PCDHA5: variants seen among roughly 807,000 people sequenced by gnomAD.
PCDHA5 encodes protocadherin alpha-5.
PCDHA5 carries 43 observed loss-of-function variants against 61.6 expected under a neutral mutation model. That is an observed-to-expected ratio of 0.70 (90% CI 0.55 to 0.90). PCDHA5 has a LOEUF of 0.90. Among genes scored for constraint, PCDHA5 ranks in the 40% least tolerant of loss-of-function variants. The pLI, the probability that PCDHA5 is intolerant of heterozygous loss-of-function variation, is 0.00. For missense variants in PCDHA5, 1,298 were observed against 1,222.7 expected, an observed-to-expected ratio of 1.06 and a Z score of -0.92; for synonymous variants, 627 against 543.9, an observed-to-expected ratio of 1.15 and a Z score of -2.13.
intron 1 of PCDHA5, among the ~76,000 whole-genome samples, chr5:140,924,575 T>C (rs1255232429): frequency 6.6e-6 from 1 of 152,078 alleles, no homozygotes; most frequent in East Asian, 1.9e-4. Flanking sequence ...TTTTTAAATG[T>C]TTTCAAATAT....
chr5:140,846,983 T>TC (rs1245867749), intron 1 of PCDHA5, among the ~76,000 whole-genome samples: 3 of 148,244 alleles, frequency 2.0e-5, no homozygotes, highest in African/African-American at 7.4e-5. Context: ...ATAAGTAAGT[T>TC]CCCCCCGGGA....
chr5:141,009,132 G>GA (rs1172401436), intron 3 of PCDHA5, among the ~76,000 whole-genome samples: 11 of 152,202 alleles, frequency 7.2e-5, no homozygotes, highest in African/African-American at 2.4e-4. Flanking sequence ...GTATCCTGGT[G>GA]AAAAAACCTG....
rs140697336 is a variant in PCDHA5 at position 140,835,530 on chromosome 5, G to C, written c.2352+11403G>C. On this transcript the variant is annotated intron_variant, in intron 1 of 3. Transcript: ENST00000529859. ...GTTTGACCGAGATTTTGGAGTCAAC[G>C]GACAGGTTACCTGCTCCCTGACGCC... 1.3e-4 allele frequency: 204 copies of C among 1,613,820 alleles called. 2 individuals carry two copies. The highest frequency in any genetic ancestry group is 2.2e-4 in the Admixed American group (13 of 59,990).
chr5:140,856,825 A>C lies in PCDHA5; in HGVS notation c.2352+32698A>C, dbSNP rs782049467. On this transcript the variant is annotated intron_variant, in intron 1 of 3. Coordinates refer to ENST00000529859, the MANE Select transcript of PCDHA5 (RefSeq NM_018908.3). Reference sequence around the variant, plus strand: ...ATGAAAATCAAGTGAACCAAACATTAGTAATACGGCTCAACGCTTCTGATT... The same window carrying C: ...ATGAAAATCAAGTGAACCAAACATTCGTAATACGGCTCAACGCTTCTGATT... 1 of 1,592,052 alleles carries C rather than the reference A, an allele frequency of 6.3e-7. No individual in the cohort carries two copies. The highest frequency in any genetic ancestry group is 1.7e-5 in the Admixed American group (1 of 59,160).
intron 1 of PCDHA5, chr5:140,927,498 G>A (rs782816586): frequency 3.1e-6 from 5 of 1,614,138 alleles, no homozygotes; most frequent in Middle Eastern, 1.6e-4. Context: ...ACCTGCTGGT[G>A]CTTACAGCTC....
chr5:140,894,675 A>G lies in PCDHA5; in HGVS notation c.2352+70548A>G, dbSNP rs78197412. Reference sequence around the variant, plus strand: ...CTAATTCTGATTTGTGTATTCTTGCATAGCTTTTCATTATTTTCTAAAAAT... The same window carrying G: ...CTAATTCTGATTTGTGTATTCTTGCGTAGCTTTTCATTATTTTCTAAAAAT... On this transcript the variant is annotated intron_variant, in intron 1 of 3. Coordinates refer to ENST00000529859, the MANE Select transcript of PCDHA5 (RefSeq NM_018908.3). 4.6e-3 allele frequency among the ~76,000 whole-genome samples: 702 copies of G among 151,998 alleles called. 3 individuals carry two copies. The highest frequency in any genetic ancestry group is 0.016 in the African/African-American group (679 of 41,480).
chr5:140,933,677 T>A (rs1024721491), intron 1 of PCDHA5, among the ~76,000 whole-genome samples: 8 of 151,826 alleles, frequency 5.3e-5, no homozygotes, highest in African/African-American at 1.9e-4. Context: ...CTCTCTCACA[T>A]TTTTTTTCCT....
chr5:140,825,211 T>C (rs2150138594), intron 1 of PCDHA5: 1 of 151,768 alleles, frequency 6.6e-6, no homozygotes, highest in Non-Finnish European at 1.5e-5. Flanking sequence ...ATTACTGAAG[T>C]AGATTTGTTT....
At position 140,824,011 on chromosome 5, in the gene PCDHA5, AGCTGGTCGTACTC is replaced by A. The variant is rs1227166716; in HGVS notation, c.2239_2251del (p.Trp747SerfsTer48). 1.2e-6 allele frequency: 2 copies of A among 1,613,900 alleles called. No homozygotes were observed. The highest frequency in any genetic ancestry group is 1.7e-6 in the Non-Finnish European group (2 of 1,179,952). On this transcript the variant is annotated frameshift_variant, in exon 1 of 4. Transcript: ENST00000529859. LOFTEE classifies it high-confidence loss of function. The stretch of plus-strand genomic sequence containing the variant: ...TCTGTTGTGCTCCAGCGCGGTGGGG[AGCTGGTCGTACTC>A]GCAGCAGAGGAGACAGAGGGTGTGC...
intron 1 of PCDHA5, 133 bp downstream of exon 1, chr5:140,824,260 A>G (rs2150133721): frequency 2.3e-6 from 3 of 1,322,828 alleles, no homozygotes; most frequent in South Asian, 2.6e-5. Context: ...TTATTGCACT[A>G]ATTCATGTAT....
rs140013560 is a variant in PCDHA5 at position 140,850,963 on chromosome 5, C to A, written c.2352+26836C>A. On this transcript the variant is annotated intron_variant, in intron 1 of 3. Coordinates refer to ENST00000529859, the MANE Select transcript of PCDHA5 (RefSeq NM_018908.3). The stretch of plus-strand genomic sequence containing the variant: ...AGATATTATCGATTACTCCCAGGGG[C>A]CGTTCAAATAGTTTTATTCATTTTT... The A allele has an allele frequency of 5.0e-4, 731 of 1,472,590 alleles. 40 individuals carry two copies. The African/African-American group carries it at 9.3e-3, about 19-fold the overall frequency. The allele number at this position is 1,472,590 out of a possible 1,614,324, so 91.2% of individuals were successfully genotyped here.
intron 1 of PCDHA5, chr5:140,883,158 C>A: frequency 2.5e-6 from 4 of 1,613,710 alleles, no homozygotes; most frequent in Non-Finnish European, 3.4e-6. Flanking sequence ...ACCATAAATC[C>A]GAACAATGGA....
At position 140,823,513 on chromosome 5, in the gene PCDHA5, G is replaced by C; in HGVS notation, c.1738G>C (p.Val580Leu). ...CACCGGCGGCGCAGTGAGCGAGCTG[G>C]TGCCGAGGTCAGTGGGTGCGGGCCA... ...GGTGGAVSEL[V>L]PRSVGAGHVV... The change falls in exon 1 of 4, where the codon GTG becomes CTG. Residue 580 changes from valine (V) to leucine (L), a missense_variant. Coordinates refer to ENST00000529859, the MANE Select transcript of PCDHA5 (RefSeq NM_018908.3). 1.2e-6 allele frequency: 2 copies of C among 1,613,474 alleles called. No individual in the cohort carries two copies. The highest frequency in any genetic ancestry group is 1.7e-6 in the Non-Finnish European group (2 of 1,179,716).
rs2150496669 is a variant in PCDHA5 at position 140,850,740 on chromosome 5, T to A, written c.2352+26613T>A. 3.1e-6 allele frequency: 5 copies of A among 1,597,562 alleles called. 1 individual carries two copies. The highest frequency in any genetic ancestry group is 3.4e-6 in the Non-Finnish European group (4 of 1,167,476). On this transcript the variant is annotated intron_variant, in intron 1 of 3. Coordinates refer to ENST00000529859, the MANE Select transcript of PCDHA5 (RefSeq NM_018908.3). Reference sequence around the variant, plus strand: ...GTGTTCTAGCGCGGTGGGGAGTTGGTCGTACTCGCAGCAGAGGAGGCAGAG... The same window carrying A: ...GTGTTCTAGCGCGGTGGGGAGTTGGACGTACTCGCAGCAGAGGAGGCAGAG...
At chr5:140,883,662 A>G (rs371713279) in intron 1 of PCDHA5, 3 of 1,613,586 alleles carry the variant, frequency 1.9e-6, no homozygotes, top group Non-Finnish European at 2.5e-6. Context: ...GTGTTCGTGA[A>G]GGAAAACAAT....
intron 1 of PCDHA5, among the ~76,000 whole-genome samples, chr5:140,920,769 G>T (rs2153558518): frequency 6.6e-6 from 1 of 151,918 alleles, no homozygotes; most frequent in African/African-American, 2.4e-5. Context: ...GCTTACACCT[G>T]GGAGGTGGAG....
At chr5:140,882,114 C>T (rs1464753090) in intron 1 of PCDHA5, 25 of 1,406,582 alleles carry the variant, frequency 1.8e-5, no homozygotes, top group Non-Finnish European at 2.2e-5. Flanking sequence ...AAGAAAGCCG[C>T]CGTTTCTTTC....
intron 1 of PCDHA5, chr5:140,835,026 A>G: frequency 1.5e-6 from 2 of 1,336,268 alleles, no homozygotes; most frequent in Non-Finnish European, 2.0e-6. Context: ...GCTCACGGCC[A>G]CCGATGGAGG....
chr5:140,997,814 T>C (rs2097786801), intron 3 of PCDHA5, among the ~76,000 whole-genome samples: 1 of 152,212 alleles, frequency 6.6e-6, no homozygotes, highest in Admixed American at 6.5e-5. Context: ...GCTGTTGGTA[T>C]CTATGTTTTC....
Sources: gnomAD v4.1 joint callset for allele counts (sites outside exome capture counted in the v4.1 genomes callset) on GRCh38, gnomAD v4.1.1 for gene constraint, MANE v1.5 for transcripts, NCBI Gene and HGNC (gene_info 2026-07-23, HGNC 2026-07-21) for gene names.